The following PCCA variants were observed in gnomAD, a reference collection of about 807,000 sequenced individuals.
PCCA encodes propionyl-CoA carboxylase subunit alpha.
A neutral mutation model predicts 101.3 loss-of-function variants in PCCA; 74 were observed. That is an observed-to-expected ratio of 0.73 (90% CI 0.61 to 0.89). The LOEUF is 0.89. PCCA is among the 40% of genes least tolerant of loss of function. The probability of loss-of-function intolerance (pLI) is 0.00; values close to 1 mark genes in which losing one functional copy is unlikely to be tolerated. For synonymous variants in PCCA, 294 were observed against 313.6 expected (o/e 0.94, Z 0.66); for missense variants, 891 against 907.0 (o/e 0.98, Z 0.23).
intron 5 of PCCA, among the ~76,000 whole-genome samples, chr13:100,155,552 A>G (rs1411864276): frequency 1.3e-5 from 2 of 152,228 alleles, no homozygotes; most frequent in African/African-American, 2.4e-5. Flanking sequence ...TAGTTTGTTA[A>G]TGTCAGTAGA....
intron 6 of PCCA, among the ~76,000 whole-genome samples, chr13:100,184,036 C>T (rs1400223989): frequency 6.6e-6 from 1 of 152,098 alleles, no homozygotes; most frequent in Non-Finnish European, 1.5e-5. Flanking sequence ...GTTTAATTGG[C>T]TCACGATTCT....
chr13:100,130,193 G>A (rs2050364783), intron 4 of PCCA, among the ~76,000 whole-genome samples: 1 of 152,196 alleles, frequency 6.6e-6, no homozygotes. Context: ...AGCAAGTCGA[G>A]GCATTGTTTT....
At chr13:100,435,165 A>G (rs1008819505) in intron 20 of PCCA, among the ~76,000 whole-genome samples, 5 of 152,292 alleles carry the variant, frequency 3.3e-5, no homozygotes, top group African/African-American at 9.6e-5. Context: ...GCTGTACAGG[A>G]AGTATGGTGC....
intron 22 of PCCA, among the ~76,000 whole-genome samples, chr13:100,526,474 G>A (rs926255289): frequency 4.6e-5 from 7 of 152,238 alleles, no homozygotes; most frequent in Non-Finnish European, 1.0e-4. Flanking sequence ...CGGCTCAGGC[G>A]CTCCAGAGTG....
At chr13:100,150,096 T>A (rs1164389687) in intron 4 of PCCA, among the ~76,000 whole-genome samples, 1 of 136,194 alleles carries the variant, frequency 7.3e-6, no homozygotes, top group African/African-American at 2.8e-5. Flanking sequence ...AGTGGCCTGA[T>A]CGGCTCACTG....
At chr13:100,355,247 T>C (rs1344880563) in intron 18 of PCCA, among the ~76,000 whole-genome samples, 1 of 151,418 alleles carries the variant, frequency 6.6e-6, no homozygotes, top group Non-Finnish European at 1.5e-5. Flanking sequence ...TCTGACAAAA[T>C]CCAACAGCTT....
rs1324911247 is a variant in PCCA, at chr13:100,291,568, G to GT, written c.1066-9886dup. ...GGTCTGTGTAATCATTATTCTGAAT[G>GT]TTTTTTCTTTCTTGTGCTAGTAATC... On this transcript the variant is annotated intron_variant, in intron 12 of 23. Transcript: ENST00000376285. Among the ~76,000 whole-genome samples, 6 of 152,288 alleles carry GT rather than the reference G, an allele frequency of 3.9e-5. No homozygotes were observed. In the East Asian group the frequency reaches 9.7e-4, roughly 24 times the overall value.
chr13:100,221,927 G>A (rs2059839373), intron 7 of PCCA, among the ~76,000 whole-genome samples: 1 of 151,844 alleles, frequency 6.6e-6, no homozygotes, highest in African/African-American at 2.4e-5. Flanking sequence ...AGTAGAGACA[G>A]GGTTTCGCCA....
chr13:100,452,127 C>T (rs1277981809), intron 21 of PCCA, among the ~76,000 whole-genome samples: 1 of 133,694 alleles, frequency 7.5e-6, no homozygotes, highest in East Asian at 2.2e-4. Flanking sequence ...TCTTCTTCCT[C>T]TCCCTCTCTC....
In PCCA at chr13:100,479,633, C is replaced by A. The variant is rs571496752; in HGVS notation, c.1899+30328C>A. 3.9e-5 allele frequency: 6 copies of A among 152,244 alleles called. 1 individual carries two copies. Among genetic ancestry groups the A allele is most frequent in the African/African-American group, 1.4e-4 (6 of 41,556 alleles). The allele number at this position is 152,244 out of a possible 1,614,324, so 9.4% of individuals were successfully genotyped here. On this transcript the variant is annotated intron_variant, in intron 21 of 23. Transcript: ENST00000376285. ...AAGATCTTGATCTTCATTGTCTTCA[C>A]GTTGAGTTGGCTGAGGAGGAGGGGG...
At chr13:100,362,270 TGTTA>T (rs950277130) in intron 18 of PCCA, among the ~76,000 whole-genome samples, 1 of 152,120 alleles carries the variant, frequency 6.6e-6, no homozygotes, top group Non-Finnish European at 1.5e-5. Flanking sequence ...TTTGACTGTA[TGTTA>T]GTTGTATGCG....
chr13:100,345,317 C>T (rs1330645834), intron 18 of PCCA, among the ~76,000 whole-genome samples: 1 of 152,210 alleles, frequency 6.6e-6, no homozygotes, highest in African/African-American at 2.4e-5. Flanking sequence ...TTCCAGTGAA[C>T]ACACAAATGA....
At chr13:100,366,013 G>T (rs957514071) in intron 18 of PCCA, among the ~76,000 whole-genome samples, 56 of 152,146 alleles carry the variant, frequency 3.7e-4, no homozygotes, top group African/African-American at 4.8e-5. Flanking sequence ...AATGCAAAAG[G>T]TGGGTTCTTA....
chr13:100,133,023 C>T (rs963380039), intron 4 of PCCA, among the ~76,000 whole-genome samples: 2 of 152,154 alleles, frequency 1.3e-5, no homozygotes, highest in African/African-American at 4.8e-5. Flanking sequence ...TCGTGATTCA[C>T]CTGCCTCAGC....
chr13:100,243,994 A>T lies in PCCA; in HGVS notation c.637+8116A>T, dbSNP rs185223055. On this transcript the variant is annotated intron_variant, in intron 8 of 23. Transcript: ENST00000376285. Reference sequence around the variant, plus strand: ...TTATTTTGTCTATTTCATGCAGCTTAGAAAAATTTTCACATGTTATATATG... The same window carrying T: ...TTATTTTGTCTATTTCATGCAGCTTTGAAAAATTTTCACATGTTATATATG... 3.3e-5 allele frequency among the ~76,000 whole-genome samples: 5 copies of T among 152,330 alleles called. No homozygotes were observed. The East Asian group carries it at 9.6e-4, about 29-fold the overall frequency.
At chr13:100,407,829 A>G (rs113891737) in intron 19 of PCCA, among the ~76,000 whole-genome samples, 1,898 of 152,300 alleles carry the variant, frequency 0.012, 22 homozygotes, top group Non-Finnish European at 0.019. Context: ...ACATGTTATA[A>G]TAGTAACTCC....
chr13:100,180,099 G>C (rs1353726486), intron 6 of PCCA, among the ~76,000 whole-genome samples: 1 of 152,134 alleles, frequency 6.6e-6, no homozygotes, highest in Non-Finnish European at 1.5e-5. Context: ...GGAGCTGCTG[G>C]AGGAGTTTTA....
At chr13:100,129,500 T>C (rs1315905708) in intron 4 of PCCA, among the ~76,000 whole-genome samples, 1 of 152,184 alleles carries the variant, frequency 6.6e-6, no homozygotes, top group Non-Finnish European at 1.5e-5. Flanking sequence ...CCTCTCTCTT[T>C]CCTAGTTTCT....
chr13:100,315,323 G>A (rs1032806996), intron 16 of PCCA, among the ~76,000 whole-genome samples: 1 of 151,390 alleles, frequency 6.6e-6, no homozygotes, highest in Non-Finnish European at 1.5e-5. Context: ...TAAAAAAATA[G>A]GGAAGAGCAA....
Sources: gnomAD v4.1 joint callset for allele counts (sites outside exome capture counted in the v4.1 genomes callset) on GRCh38, gnomAD v4.1.1 for gene constraint, MANE v1.5 for transcripts, NCBI Gene and HGNC (gene_info 2026-07-23, HGNC 2026-07-21) for gene names.